EPHA5: variants seen among roughly 807,000 people sequenced by gnomAD.
EPHA5 encodes EPH receptor A5, also known as ephrin type-A receptor 5.
EPHA5 carries 60 observed loss-of-function variants against 105.0 expected under a neutral mutation model. The observed-to-expected ratio is 0.57, with a 90% CI of 0.46 to 0.71. The LOEUF (loss-of-function observed/expected upper bound fraction) is 0.71, where lower values mean the gene tolerates loss of function less well. EPHA5 is among the 30% of genes least tolerant of loss of function. The pLI, the probability that EPHA5 is intolerant of heterozygous loss-of-function variation, is 0.00. For missense variants in EPHA5, 1,218 were observed against 1,274.7 expected (o/e 0.96, Z 0.68); for synonymous variants, 513 against 449.1 (o/e 1.14, Z -1.80).
At chr4:65,616,256 A>T (rs1745226754) in intron 2 of EPHA5, among the ~76,000 whole-genome samples, 1 of 151,952 alleles carries the variant, frequency 6.6e-6, no homozygotes, top group Admixed American at 6.6e-5. Context: ...AGAAGAGCTG[A>T]GTAGTTACCA....
chr4:65,393,592 C>A (rs1347166031), intron 8 of EPHA5, among the ~76,000 whole-genome samples: 1 of 152,184 alleles, frequency 6.6e-6, no homozygotes, highest in Non-Finnish European at 1.5e-5. Flanking sequence ...TCATTTTAAT[C>A]AATGCCTTTA....
At chr4:65,609,787 C>A (rs1206480176) in intron 2 of EPHA5, among the ~76,000 whole-genome samples, 1 of 151,350 alleles carries the variant, frequency 6.6e-6, no homozygotes, top group Non-Finnish European at 1.5e-5. Context: ...AGATAAAATA[C>A]ACACAATTAG....
chr4:65,324,121 G>A lies in EPHA5; in HGVS notation c.3044C>T (p.Pro1015Leu), dbSNP rs779095564. The A allele has an allele frequency of 1.9e-6, 3 of 1,604,730 alleles. No individual in the cohort carries two copies. The African/African-American group carries it at 4.0e-5, about 22-fold the overall frequency. The change falls in exon 17 of 17, where the codon CCA becomes CTA. Residue 1015 changes from proline to leucine, a missense_variant. This residue lies in a region of EPHA5 where 971 missense variants were observed against 1,013.5 expected (regional missense o/e 0.96). Transcript: ENST00000613740. ...MKVQLVNGMV[P>L]L ...AGCGACATTTACATGAAGTTACAATGGCACCATTCCGTTTACCAGCTGCAC... is the reference window on the plus strand; with the variant it reads ...AGCGACATTTACATGAAGTTACAATAGCACCATTCCGTTTACCAGCTGCAC...
In EPHA5 at chr4:65,373,287, AAAC is replaced by A. The variant is rs1388946497; in HGVS notation, c.1794-5866_1794-5864del. Among the ~76,000 whole-genome samples the A allele has an allele frequency of 2.6e-5, 4 of 151,830 alleles. No individual in the cohort carries two copies. In the Admixed American group the frequency reaches 2.6e-4, roughly 10 times the overall value. On this transcript the variant is annotated intron_variant, in intron 8 of 16. Transcript: ENST00000613740. ...ATTTAATATACTCTATATACATGTC[AAAC>A]AACACCCCCATCTGCCTACCACAAA...
intron 3 of EPHA5, chr4:65,573,826 G>A (rs879971207): frequency 3.7e-6 from 6 of 1,613,408 alleles, no homozygotes; most frequent in African/African-American, 2.7e-5. Flanking sequence ...GATGTGCCTC[G>A]AAAGCTGTTG....
At chr4:65,492,038 A>C (rs1467148850) in intron 4 of EPHA5, among the ~76,000 whole-genome samples, 2 of 152,178 alleles carry the variant, frequency 1.3e-5, no homozygotes, top group East Asian at 3.9e-4. Context: ...CATAAGCATA[A>C]TTAAGCTACT....
chr4:65,342,334 G>T (rs183279965), intron 14 of EPHA5, among the ~76,000 whole-genome samples: 1 of 151,974 alleles, frequency 6.6e-6, no homozygotes, highest in East Asian at 1.9e-4. Context: ...AATATTCTTT[G>T]GTCAAAGACA....
chr4:65,478,176 T>C (rs1197877349), intron 5 of EPHA5, among the ~76,000 whole-genome samples: 2 of 152,180 alleles, frequency 1.3e-5, no homozygotes, highest in Non-Finnish European at 2.9e-5. Flanking sequence ...GCAGCTTTAA[T>C]TGGCAAAATG....
At chr4:65,528,441 G>A (rs570745230) in intron 3 of EPHA5, among the ~76,000 whole-genome samples, 2 of 151,506 alleles carry the variant, frequency 1.3e-5, no homozygotes, top group African/African-American at 2.4e-5. Flanking sequence ...TTCTTCCTCC[G>A]CCCTCCTCCT....
chr4:65,484,136 CT>C (rs36121843), intron 5 of EPHA5, among the ~76,000 whole-genome samples: 4 of 152,004 alleles, frequency 2.6e-5, no homozygotes, highest in East Asian at 1.9e-4. Flanking sequence ...AAAAGGTGAC[CT>C]TTTTTTTCTT....
chr4:65,432,548 T>C (rs1358070851), intron 5 of EPHA5, among the ~76,000 whole-genome samples: 1 of 152,012 alleles, frequency 6.6e-6, no homozygotes, highest in Non-Finnish European at 1.5e-5. Context: ...GTTTTGTTTA[T>C]GTTTTTGTTC....
rs1184713856 is a variant in EPHA5, at chr4:65,323,796, T to C, written c.*318A>G. On this transcript the variant is annotated 3_prime_UTR_variant, in exon 17 of 17. Transcript: ENST00000613740. The stretch of plus-strand genomic sequence containing the variant: ...GTTGCCTTAATTCAGTCTATAAAAG[T>C]GCTATATAATTATATATTTCATGTA... 4.1e-6 allele frequency: 1 copy of C among 244,150 alleles called. No individual in the cohort carries two copies. Among genetic ancestry groups the C allele is most frequent in the Non-Finnish European group, 8.0e-6 (1 of 125,184 alleles). The allele number at this position is 244,150 out of a possible 1,614,324, so 15.1% of individuals were successfully genotyped here.
chr4:65,562,312 A>C (rs7699514), intron 3 of EPHA5, among the ~76,000 whole-genome samples: 1 of 151,690 alleles, frequency 6.6e-6, no homozygotes, highest in Non-Finnish European at 1.5e-5. Flanking sequence ...CAAAGTTTAG[A>C]TTTTTAACTT....
intron 8 of EPHA5, among the ~76,000 whole-genome samples, chr4:65,382,010 T>C (rs1719609768): frequency 6.6e-6 from 1 of 151,860 alleles, no homozygotes; most frequent in African/African-American, 2.4e-5. Flanking sequence ...TTAAATCATA[T>C]AAATGACTGA....
chr4:65,394,268 T>C (rs772615825), intron 8 of EPHA5, among the ~76,000 whole-genome samples: 2 of 152,172 alleles, frequency 1.3e-5, no homozygotes, highest in Non-Finnish European at 1.5e-5. Context: ...GTAAATTCCA[T>C]TATTTTTAGC....
At chr4:65,464,681 A>C (rs2149138812) in intron 5 of EPHA5, among the ~76,000 whole-genome samples, 1 of 152,274 alleles carries the variant, frequency 6.6e-6, no homozygotes, top group East Asian at 1.9e-4. Context: ...ACAAAATTTT[A>C]ATAATTCTAT....
chr4:65,419,369 C>A (rs896321533), intron 6 of EPHA5, among the ~76,000 whole-genome samples: 1 of 152,072 alleles, frequency 6.6e-6, no homozygotes, highest in Non-Finnish European at 1.5e-5. Flanking sequence ...TATTTCCTAC[C>A]ATCCCTTTTA....
chr4:65,388,048 A>G (rs2148947742), intron 8 of EPHA5, among the ~76,000 whole-genome samples: 1 of 143,768 alleles, frequency 7.0e-6, no homozygotes, highest in South Asian at 2.3e-4. Flanking sequence ...ATTCCCATCT[A>G]TGAGTGAGAG....
intron 3 of EPHA5, among the ~76,000 whole-genome samples, chr4:65,550,939 A>G (rs1737835936): frequency 6.6e-6 from 1 of 152,098 alleles, no homozygotes; most frequent in East Asian, 1.9e-4. Flanking sequence ...GGAGATTCCT[A>G]CTAGATTACA....
Sources: gnomAD v4.1 joint callset for allele counts (sites outside exome capture counted in the v4.1 genomes callset) on GRCh38, gnomAD v4.1.1 for gene constraint, gnomAD v4.1.1 regional missense constraint, MANE v1.5 for transcripts, NCBI Gene and HGNC (gene_info 2026-07-23, HGNC 2026-07-21) for gene names.